PSMD9: variants seen among roughly 807,000 people sequenced by gnomAD.
The protein encoded by PSMD9 is proteasome 26S subunit, non-ATPase 9.
Under a neutral mutation model 25.9 loss-of-function variants are expected in PSMD9, and 26 were observed. The ratio of observed to expected loss-of-function variants is 1.00; its 90% CI spans 0.73 to 1.39. The LOEUF is 1.39. Among genes scored for constraint, PSMD9 ranks in the 40% most tolerant of loss-of-function variants. The pLI is 0.00. For synonymous variants in PSMD9, 110 were observed against 114.5 expected (o/e 0.96, Z 0.25); for missense variants, 303 against 299.3 (o/e 1.01, Z -0.09).
intron 4 of PSMD9, among the ~76,000 whole-genome samples, chr12:121,911,919 C>A (rs1311478596): frequency 6.6e-6 from 1 of 152,146 alleles, no homozygotes; most frequent in African/African-American, 2.4e-5. Context: ...TCCCAAAGTG[C>A]TGGGATTGCA....
chr12:121,915,816 T>G (rs771335023), intron 4 of PSMD9, 40 bp from the exon 5 acceptor site: 1 of 1,539,766 alleles, frequency 6.5e-7, no homozygotes, highest in Non-Finnish European at 8.9e-7. Context: ...CTCTGAGTAC[T>G]AACGAGGCTG....
rs924067300 is a variant in PSMD9 at position 121,900,302 on chromosome 12, G to A, written c.453+457G>A. Reference sequence around the variant, plus strand: ...GGCGACTTGGAAAGCTGAGATGGGAGGATCACTTGGGCTCAGGAAGTCGAA... The same window carrying A: ...GGCGACTTGGAAAGCTGAGATGGGAAGATCACTTGGGCTCAGGAAGTCGAA... On this transcript the variant is annotated intron_variant, in intron 3 of 5. Transcript: ENST00000541212. Among the ~76,000 whole-genome samples the A allele has an allele frequency of 7.9e-5, 12 of 152,282 alleles. No individual in the cohort carries two copies. In the South Asian group the frequency reaches 8.3e-4, roughly 11 times the overall value.
chr12:121,908,218 G>T (rs1408168467), intron 4 of PSMD9: 1 of 148,554 alleles, frequency 6.7e-6, no homozygotes, highest in Non-Finnish European at 1.5e-5. Flanking sequence ...CGCTCTTGTT[G>T]CCCAGGCTGG....
intron 4 of PSMD9, among the ~76,000 whole-genome samples, chr12:121,908,458 C>T (rs981169601): frequency 1.3e-5 from 2 of 152,142 alleles, no homozygotes; most frequent in East Asian, 3.9e-4. Context: ...AGATTATAGG[C>T]GTGAGCCACT....
rs1879176053 is a variant in PSMD9 at position 121,894,533 on chromosome 12, T to G, written c.139-206T>G. ...AGAATGGATTCATGCATTACTTGCGTCGTTAAAAATAAAAAATGAAAAACA... is the reference window on the plus strand; with the variant it reads ...AGAATGGATTCATGCATTACTTGCGGCGTTAAAAATAAAAAATGAAAAACA... On this transcript the variant is annotated intron_variant, in intron 1 of 5. Transcript: ENST00000541212. 4 of 542,502 alleles carry G rather than the reference T, an allele frequency of 7.4e-6. No individual in the cohort carries two copies. The South Asian group carries it at 8.8e-5, about 12-fold the overall frequency. 33.6% of individuals were successfully genotyped at this position (542,502 alleles called of 1,614,324 possible). A position where few individuals can be genotyped will look rare whatever the true frequency, so the allele number is the denominator to read the frequency against.
chr12:121,910,454 T>A (rs1170766959), intron 4 of PSMD9, among the ~76,000 whole-genome samples: 1 of 151,750 alleles, frequency 6.6e-6, no homozygotes, highest in Admixed American at 6.6e-5. Flanking sequence ...GTGGTAAATA[T>A]ACATAATATA....
intron 4 of PSMD9, among the ~76,000 whole-genome samples, chr12:121,906,864 G>C (rs1396415654): frequency 6.7e-6 from 1 of 150,214 alleles, no homozygotes; most frequent in Non-Finnish European, 1.5e-5. Flanking sequence ...TACTTGGGAG[G>C]CCGAGGCAGG....
chr12:121,905,311 C>G (rs1463503093), intron 4 of PSMD9, among the ~76,000 whole-genome samples: 1 of 150,552 alleles, frequency 6.6e-6, no homozygotes, highest in Non-Finnish European at 1.5e-5. Flanking sequence ...GCAAGCTCTG[C>G]CTCCCAGGTT....
chr12:121,896,372 A>C (rs1316336814), intron 2 of PSMD9, among the ~76,000 whole-genome samples: 1 of 152,128 alleles, frequency 6.6e-6, no homozygotes, highest in Non-Finnish European at 1.5e-5. Context: ...TGGGAGGCTG[A>C]GACAGGAGAA....
At chr12:121,896,147 G>A (rs867384394) in intron 2 of PSMD9, among the ~76,000 whole-genome samples, 23 of 151,808 alleles carry the variant, frequency 1.5e-4, no homozygotes, top group African/African-American at 5.3e-4. Context: ...AAATCTGTTT[G>A]AGCAATTCCT....
In PSMD9 at chr12:121,916,324, A is replaced by T; in HGVS notation, c.*13A>T. 1 of 1,613,540 alleles carries T rather than the reference A, an allele frequency of 6.2e-7. No individual in the cohort carries two copies. The highest frequency in any genetic ancestry group is 8.5e-7 in the Non-Finnish European group (1 of 1,179,480). ...TCTGCAAAGATGATTGTCCCTGGGG[A>T]ACAGTAACAGGAAAGCATCTTCCCT... On this transcript the variant is annotated 3_prime_UTR_variant, in exon 6 of 6. Coordinates refer to ENST00000541212, the MANE Select transcript of PSMD9 (RefSeq NM_002813.7).
chr12:121,912,120 A>G (rs908656858), intron 4 of PSMD9, among the ~76,000 whole-genome samples: 2 of 151,420 alleles, frequency 1.3e-5, no homozygotes, highest in Admixed American at 6.6e-5. Flanking sequence ...GCTCACTGCA[A>G]TCTGGACTTC....
At position 121,894,793 on chromosome 12, in the gene PSMD9, T is replaced by A. The variant is rs147461674; in HGVS notation, c.193T>A (p.Ser65Thr). Residue 65 changes from serine to threonine, a missense_variant, in exon 2 of 6, where the codon TCA becomes ACA. Physicochemically the swap from Ser to Thr is moderately conservative, Grantham distance 58 (BLOSUM62 1). Transcript: ENST00000541212. ...PLVDCEGYPR[S>T]DVDLYQVRTA... ...GGTGGACTGTGAGGGCTACCCCCGG[T>A]CAGACGTGGACCTGTACCAAGTCCG... 6.3e-5 allele frequency: 101 copies of A among 1,614,096 alleles called. No individual in the cohort carries two copies. Among genetic ancestry groups the A allele is most frequent in the South Asian group, 3.0e-4 (27 of 91,064 alleles).
At chr12:121,903,746 T>G (rs1380246801) in intron 4 of PSMD9, among the ~76,000 whole-genome samples, 2 of 130,340 alleles carry the variant, frequency 1.5e-5, no homozygotes, top group African/African-American at 6.1e-5. Flanking sequence ...TTCTTAGAGA[T>G]CTTTTCTTTT....
At chr12:121,905,868 A>G (rs1455689502) in intron 4 of PSMD9, among the ~76,000 whole-genome samples, 6 of 151,860 alleles carry the variant, frequency 4.0e-5, no homozygotes, top group Non-Finnish European at 7.4e-5. Flanking sequence ...GTAGTATGTC[A>G]TTGCCACCAC....
intron 4 of PSMD9, among the ~76,000 whole-genome samples, chr12:121,913,660 TA>T (rs993314606): frequency 1.1e-4 from 16 of 151,270 alleles, no homozygotes; most frequent in Non-Finnish European, 1.8e-4. Flanking sequence ...CCTGGCTAAT[TA>T]AAAAAAATAT....
intron 4 of PSMD9, among the ~76,000 whole-genome samples, chr12:121,912,921 C>T (rs376559825): frequency 5.2e-4 from 75 of 144,518 alleles, no homozygotes; most frequent in Non-Finnish European, 1.0e-3. Flanking sequence ...AAGTCCTTTG[C>T]TCATTTTCTT....
chr12:121,916,024 G>C, intron 5 of PSMD9, 80 bp downstream of exon 5: 1 of 1,429,374 alleles, frequency 7.0e-7, no homozygotes, highest in Non-Finnish European at 9.7e-7. Context: ...GGGAAGGCTG[G>C]GGAGACATTG....
chr12:121,891,594 C>T (rs910232576), intron 1 of PSMD9, among the ~76,000 whole-genome samples: 7 of 144,800 alleles, frequency 4.8e-5, no homozygotes, highest in Non-Finnish European at 7.5e-5. Context: ...AGCGAGACTC[C>T]GTCTCAAGAA....
Sources: allele counts gnomAD v4.1 joint callset (sites outside exome capture counted in the v4.1 genomes callset), GRCh38; gene constraint gnomAD v4.1.1; transcripts MANE v1.5; gene names NCBI Gene and HGNC (gene_info 2026-07-23, HGNC 2026-07-21).